The following AKR7A3 variants were observed in gnomAD, a reference collection of about 807,000 sequenced individuals.
AKR7A3 encodes aldo-keto reductase family 7 member A3.
In AKR7A3, 37 loss-of-function variants were observed where a neutral mutation model predicts 32.5. That is an observed-to-expected ratio of 1.14 (90% confidence interval 0.88 to 1.50). The LOEUF (loss-of-function observed/expected upper bound fraction) is 1.50. Ranked by LOEUF, AKR7A3 falls within the 40% of genes most tolerant of loss-of-function variation. The probability of loss-of-function intolerance (pLI) is 0.00; values close to 1 mark genes in which losing one functional copy is unlikely to be tolerated. For missense variants in AKR7A3, 412 were observed against 453.2 expected (o/e 0.91, Z 0.83); for synonymous variants, 177 against 188.4 (o/e 0.94, Z 0.50).
At chr1:19,278,262 A>G (rs560676071), downstream of AKR7A3, among the ~76,000 whole-genome samples, 2 of 151,768 alleles carry the variant, frequency 1.3e-5, 1 homozygote, top group African/African-American at 4.9e-5. Flanking sequence ...TTTGTTTTTT[A>G]AAAACAACTG....
chr1:19,277,719 C>T (rs186158965), downstream of AKR7A3, among the ~76,000 whole-genome samples: 1 of 151,984 alleles, frequency 6.6e-6, no homozygotes, highest in Non-Finnish European at 1.5e-5. Flanking sequence ...CAGCGTCTCG[C>T]CATGTTGGCC....
the AKR7A3 span, among the ~76,000 whole-genome samples, chr1:19,274,722 G>A: frequency 6.6e-6 from 1 of 150,980 alleles, no homozygotes; most frequent in Non-Finnish European, 1.5e-5. Context: ...AAGGCAGGAC[G>A]ATCGCCTGAG....
intron 3 of AKR7A3, 96 bp from the exon 4 acceptor site, chr1:19,285,210 T>C (rs1317498321): frequency 3.4e-6 from 4 of 1,167,360 alleles, no homozygotes; most frequent in African/African-American, 1.5e-5. Context: ...ACCTTAACAA[T>C]TCTAGGACTT....
chr1:19,287,053 T>C (rs2093731919), intron 1 of AKR7A3, among the ~76,000 whole-genome samples: 1 of 151,790 alleles, frequency 6.6e-6, no homozygotes, highest in African/African-American at 2.4e-5. Flanking sequence ...ACACCTGTAA[T>C]CTCAGCACTT....
chr1:19,275,683 T>C, the AKR7A3 span, among the ~76,000 whole-genome samples: 4,283 of 151,830 alleles, frequency 0.028, 80 homozygotes, highest in South Asian at 0.053. Context: ...CATGTGCCTG[T>C]GGTCCCAGTT....
rs1295277924 is a variant in AKR7A3 at position 19,284,070 on chromosome 1, C to A, written c.760G>T (p.Ala254Ser). ...GIALVEKALQ[A>S]AYGASAPSMT... ...CTGGGGGCGCTGGCGCCATACGCGG[C>A]CTGCAGGGCCTTCTCCACCAGGGCA... Residue 254 changes from alanine (A) to serine (S), a missense_variant, in exon 6 of 7, where the codon GCC becomes TCC. Transcript: ENST00000361640. The A allele has an allele frequency of 3.1e-6, 5 of 1,613,562 alleles. No individual in the cohort carries two copies. In the African/African-American group the frequency reaches 6.7e-5, roughly 22 times the overall value.
intron 3 of AKR7A3, among the ~76,000 whole-genome samples, chr1:19,285,624 G>A (rs1173251401): frequency 6.6e-6 from 1 of 151,634 alleles, no homozygotes; most frequent in African/African-American, 2.4e-5. Context: ...CGGTGGTGGG[G>A]GAAGGGCTTG....
At chr1:19,280,808 G>C (rs1431758751), downstream of AKR7A3, among the ~76,000 whole-genome samples, 1 of 151,756 alleles carries the variant, frequency 6.6e-6, no homozygotes, top group South Asian at 2.1e-4. Flanking sequence ...CTGACCTCAT[G>C]ATCCGCCTGC....
chr1:19,274,273 C>T, the AKR7A3 span: 2 of 1,128,172 alleles, frequency 1.8e-6, no homozygotes, highest in Non-Finnish European at 2.3e-6. Context: ...ACCGTCTGCA[C>T]TTGCACCGAG....
In AKR7A3 at chr1:19,284,796, G is replaced by C. The variant is rs771197268; in HGVS notation, c.605-11C>G. ...CGGTCAGCAGGCCCCCTGAGGGAAA[G>C]CAGCAATCAGCCCCGGGGCCTAGAG... On this transcript the variant is annotated splice_polypyrimidine_tract_variant and intron_variant, in intron 4 of 6. Coordinates refer to ENST00000361640, the MANE Select transcript of AKR7A3 (RefSeq NM_012067.3). 6.2e-7 allele frequency: 1 copy of C among 1,613,270 alleles called. No homozygotes were observed. Among genetic ancestry groups the C allele is most frequent in the Non-Finnish European group, 8.5e-7 (1 of 1,179,472 alleles).
intron 1 of AKR7A3, among the ~76,000 whole-genome samples, chr1:19,286,796 T>G (rs1159971828): frequency 6.6e-6 from 1 of 151,862 alleles, no homozygotes; most frequent in Non-Finnish European, 1.5e-5. Flanking sequence ...TCACCTAGGC[T>G]GGCAGGAGGG....
At chr1:19,286,142 G>A in intron 2 of AKR7A3, 43 bp downstream of exon 2, 1 of 1,605,588 alleles carries the variant, frequency 6.2e-7, no homozygotes, top group African/African-American at 1.3e-5. Flanking sequence ...AGGATAAGGA[G>A]AGCAGCAGTG....
the AKR7A3 span, among the ~76,000 whole-genome samples, chr1:19,276,059 A>G: frequency 6.6e-6 from 1 of 151,928 alleles, no homozygotes; most frequent in African/African-American, 2.4e-5. Context: ...GAAACTCGGT[A>G]AAGGTATAGA....
chr1:19,282,041 T>C (rs2093719586), downstream of AKR7A3, among the ~76,000 whole-genome samples: 1 of 151,940 alleles, frequency 6.6e-6, no homozygotes, highest in African/African-American at 2.4e-5. Context: ...ATTGAGTTGA[T>C]GCTGAAACAA....
the AKR7A3 span, among the ~76,000 whole-genome samples, chr1:19,276,272 A>G: frequency 2.0e-5 from 3 of 149,968 alleles, no homozygotes; most frequent in Admixed American, 6.7e-5. Context: ...TGAAGCAAAG[A>G]ATTGCTTGAA....
chr1:19,274,899 CA>C, the AKR7A3 span, among the ~76,000 whole-genome samples: 169 of 44,312 alleles, frequency 3.8e-3, 9 homozygotes, highest in Middle Eastern at 0.019. Context: ...TCTCTAAATA[CA>C]AAAAAAAAAA....
In AKR7A3 at chr1:19,282,801, G is replaced by T; in HGVS notation, c.926C>A (p.Pro309Gln). 2 of 1,613,380 alleles carry T rather than the reference G, an allele frequency of 1.2e-6. No homozygotes were observed. The highest frequency in any genetic ancestry group is 1.7e-6 in the Non-Finnish European group (2 of 1,180,002). The stretch of plus-strand genomic sequence containing the variant: ...TTGATTAAAGGCGTCCACGACAGCC[G>T]GCTCCAGGGGCCCTTCCTCTGCCGC... ...LAAAEEGPLE[P>Q]AVVDAFNQAW... Residue 309 changes from proline (P) to glutamine (Q), a missense_variant, in exon 7 of 7, where the codon CCG (proline) becomes CAG (glutamine). Transcript: ENST00000361640.
At chr1:19,287,259 A>G (rs2093732316) in intron 1 of AKR7A3, among the ~76,000 whole-genome samples, 1 of 150,820 alleles carries the variant, frequency 6.6e-6, no homozygotes, top group African/African-American at 2.5e-5. Context: ...AATGAGCCCT[A>G]TCGCACCACT....
At chr1:19,284,182 A>G in intron 5 of AKR7A3, 57 bp from the exon 6 acceptor site, 2 of 1,563,070 alleles carry the variant, frequency 1.3e-6, no homozygotes, top group South Asian at 2.4e-5. Context: ...CCACAACCAA[A>G]GAGCCAACCA....
Sources: allele counts gnomAD v4.1 joint callset (sites outside exome capture counted in the v4.1 genomes callset), GRCh38; gene constraint gnomAD v4.1.1; transcripts MANE v1.5; gene names NCBI Gene and HGNC (gene_info 2026-07-23, HGNC 2026-07-21).